Variants in SAXO1 observed in about 807,000 individuals in gnomAD.
SAXO1 encodes stabilizer of axonemal microtubules 1.
A neutral mutation model predicts 17.5 loss-of-function variants in SAXO1; 21 were observed. The ratio of observed to expected loss-of-function variants is 1.20; its 90% CI spans 0.85 to 1.72. The LOEUF is 1.72. Among genes scored for constraint, SAXO1 ranks in the 40% most tolerant of loss-of-function variants. The pLI is 0.00. For synonymous variants in SAXO1, 274 were observed against 216.5 expected (o/e 1.27, Z -2.33); for missense variants, 843 against 596.0 (o/e 1.41, Z -4.32).
At chr9:19,045,305 A>T (rs1836183239) in intron 1 of SAXO1, among the ~76,000 whole-genome samples, 1 of 109,854 alleles carries the variant, frequency 9.1e-6, no homozygotes, top group Non-Finnish European at 1.7e-5. Context: ...CGACAGAGCG[A>T]GACTCCGTCT....
chr9:18,966,823 T>C (rs551161649), intron 1 of SAXO1, among the ~76,000 whole-genome samples: 2 of 152,182 alleles, frequency 1.3e-5, no homozygotes, highest in Non-Finnish European at 2.9e-5. Flanking sequence ...AGAAGAGGCA[T>C]TCTGGTTTTT....
chr9:19,010,479 A>AC (rs960685187), intron 1 of SAXO1, among the ~76,000 whole-genome samples: 18 of 122,116 alleles, frequency 1.5e-4, no homozygotes, highest in African/African-American at 6.1e-4. Flanking sequence ...TATTTCTAGG[A>AC]AAAAAAAAAA....
At chr9:19,042,726 G>C (rs916075835) in intron 1 of SAXO1, among the ~76,000 whole-genome samples, 1 of 152,212 alleles carries the variant, frequency 6.6e-6, no homozygotes, top group Non-Finnish European at 1.5e-5. Flanking sequence ...GCCAGGCATG[G>C]TGGTGCATGC....
At chr9:18,985,173 C>T (rs186807588) in intron 1 of SAXO1, among the ~76,000 whole-genome samples, 1 of 152,122 alleles carries the variant, frequency 6.6e-6, no homozygotes, top group Non-Finnish European at 1.5e-5. Context: ...TCAGAACACA[C>T]ACATATTTAT....
intron 1 of SAXO1, among the ~76,000 whole-genome samples, chr9:19,020,314 T>A (rs2131015399): frequency 6.6e-6 from 1 of 152,188 alleles, no homozygotes; most frequent in South Asian, 2.1e-4. Context: ...CCAGTTTGTT[T>A]GGGGCCCAGC....
At position 18,951,028 on chromosome 9, in the gene SAXO1, G is replaced by A. The variant is rs1292787067; in HGVS notation, c.39-91C>T. 5.5e-6 allele frequency: 7 copies of A among 1,265,656 alleles called. No homozygotes were observed. In the African/African-American group the frequency reaches 6.0e-5, roughly 11 times the overall value. The allele number at this position is 1,265,656 out of a possible 1,614,324, so 78.4% of individuals were successfully genotyped here. ...ACTTCCGCCAAATGTGACTCAGACT[G>A]TAAAATCATGTGACTGCCAACATTG... On this transcript the variant is annotated intron_variant, in intron 1 of 3. Coordinates refer to ENST00000380534, the MANE Select transcript of SAXO1 (RefSeq NM_153707.4).
intron 1 of SAXO1, among the ~76,000 whole-genome samples, chr9:19,017,189 GA>G (rs986989847): frequency 9.3e-5 from 14 of 150,294 alleles, no homozygotes; most frequent in African/African-American, 3.4e-4. Flanking sequence ...GAAAGAAAAA[GA>G]AAAAAAAAGA....
At chr9:19,033,914 C>A (rs1365683899), upstream of SAXO1, among the ~76,000 whole-genome samples, 1 of 152,186 alleles carries the variant, frequency 6.6e-6, no homozygotes, top group Non-Finnish European at 1.5e-5. Context: ...AGAACTACAG[C>A]TTTTGAGGTT....
At chr9:18,968,422 A>G (rs1358634469) in intron 1 of SAXO1, among the ~76,000 whole-genome samples, 6 of 152,226 alleles carry the variant, frequency 3.9e-5, no homozygotes, top group African/African-American at 9.6e-5. Flanking sequence ...GATAGAATCT[A>G]AGTGACAGAT....
chr9:19,046,462 G>T lies in SAXO1; in HGVS notation c.-158+2747C>A, dbSNP rs547945786. On this transcript the variant is annotated intron_variant, in intron 1 of 3. Transcript: ENST00000542071. ...TGTAATCCCAGCACTTTGGGAGGCC[G>T]AGGCGGGCAGATCACCTGAGGTCGG... 2.6e-5 allele frequency among the ~76,000 whole-genome samples: 4 copies of T among 152,256 alleles called. No homozygotes were observed. In the East Asian group the frequency reaches 5.8e-4, roughly 22 times the overall value.
At chr9:18,941,360 C>T (rs1313768842) in intron 3 of SAXO1, among the ~76,000 whole-genome samples, 2 of 152,080 alleles carry the variant, frequency 1.3e-5, no homozygotes, top group East Asian at 3.8e-4. Flanking sequence ...AATATGGCTG[C>T]GTTCCAATAA....
intron 1 of SAXO1, among the ~76,000 whole-genome samples, chr9:18,966,505 A>G (rs1832721734): frequency 6.6e-6 from 1 of 151,960 alleles, no homozygotes; most frequent in South Asian, 2.1e-4. Context: ...TCAAACTCTG[A>G]TATCCTTTCT....
intron 1 of SAXO1, among the ~76,000 whole-genome samples, chr9:18,990,674 T>A (rs1166927491): frequency 6.6e-6 from 1 of 152,150 alleles, no homozygotes; most frequent in Non-Finnish European, 1.5e-5. Flanking sequence ...CAAGTGAAGC[T>A]TCATCTGTAT....
intron 1 of SAXO1, among the ~76,000 whole-genome samples, chr9:19,024,045 G>A (rs1269421432): frequency 2.0e-5 from 1 of 49,072 alleles, no homozygotes; most frequent in Non-Finnish European, 3.8e-5. Flanking sequence ...TTTTTTTTGC[G>A]GGGGAAAAGA....
chr9:18,995,067 C>G (rs1833949956), intron 1 of SAXO1, among the ~76,000 whole-genome samples: 1 of 152,156 alleles, frequency 6.6e-6, no homozygotes, highest in South Asian at 2.1e-4. Context: ...AAATGTCACA[C>G]TTCTACTACT....
rs114031363 is a variant in SAXO1, at chr9:19,018,511, A to G, written c.38+14360T>C. ...CAGCTTTGCAATGGAACGTGTTTCA[A>G]AAGTCAATACACGCTGTTGGAAGCC... is the stretch of plus-strand genomic sequence containing the variant. On this transcript the variant is annotated intron_variant, in intron 1 of 3. Coordinates refer to ENST00000380534, the MANE Select transcript of SAXO1 (RefSeq NM_153707.4). 6.9e-3 allele frequency among the ~76,000 whole-genome samples: 1,051 copies of G among 152,358 alleles called. 8 individuals carry two copies. Among genetic ancestry groups the G allele is most frequent in the African/African-American group, 0.024 (992 of 41,588 alleles).
chr9:18,948,897 A>G (rs573981600), intron 2 of SAXO1, among the ~76,000 whole-genome samples: 1 of 152,128 alleles, frequency 6.6e-6, no homozygotes, highest in South Asian at 2.1e-4. Context: ...AAAGACCCAC[A>G]CCTGGAGACC....
intron 1 of SAXO1, among the ~76,000 whole-genome samples, chr9:18,993,367 T>A (rs759443464): frequency 4.0e-5 from 6 of 150,732 alleles, no homozygotes; most frequent in African/African-American, 1.2e-4. Flanking sequence ...CTCTCACATC[T>A]GTTGAGGGCT....
chr9:19,006,529 A>C (rs1055855085), intron 1 of SAXO1, among the ~76,000 whole-genome samples: 14 of 152,352 alleles, frequency 9.2e-5, no homozygotes, highest in Admixed American at 2.0e-4. Context: ...CAGAACAAAT[A>C]TTGTATGTCT....
Sources: gnomAD v4.1 joint callset for allele counts (sites outside exome capture counted in the v4.1 genomes callset) on GRCh38, gnomAD v4.1.1 for gene constraint, MANE v1.5 for transcripts, NCBI Gene and HGNC (gene_info 2026-07-23, HGNC 2026-07-21) for gene names.